LIPC: variants seen among roughly 807,000 people sequenced by gnomAD.
LIPC encodes lipase C, hepatic type, also known as hepatic triacylglycerol lipase.
LIPC carries 44 observed loss-of-function variants against 50.7 expected under a neutral mutation model. The observed-to-expected ratio is 0.87, with a 90% CI of 0.68 to 1.11. The LOEUF (loss-of-function observed/expected upper bound fraction) is 1.11. LIPC is among the 50% of genes most tolerant of loss of function. The pLI is 0.00. For synonymous variants in LIPC, 271 were observed against 256.4 expected (o/e 1.06, Z -0.54); for missense variants, 697 against 648.2 (o/e 1.08, Z -0.82).
At chr15:58,534,831 T>A (rs1893062741) in intron 1 of LIPC, among the ~76,000 whole-genome samples, 1 of 152,228 alleles carries the variant, frequency 6.6e-6, no homozygotes, top group African/African-American at 2.4e-5. Flanking sequence ...TCTTTATTGT[T>A]TTACTGCCCT....
At chr15:58,448,317 G>C (rs1893774513) in intron 1 of LIPC, among the ~76,000 whole-genome samples, 1 of 152,226 alleles carries the variant, frequency 6.6e-6, no homozygotes, top group Non-Finnish European at 1.5e-5. Context: ...GCCAGGTGAA[G>C]GCAAGTGTTA....
chr15:58,467,850 T>A (rs1426320947), intron 1 of LIPC, among the ~76,000 whole-genome samples: 1 of 152,210 alleles, frequency 6.6e-6, no homozygotes, highest in African/African-American at 2.4e-5. Context: ...TGGCAACTCT[T>A]GGTGTTCACA....
At chr15:58,516,237 C>CTTTTTTTTTTTTTTTTTTTTTTTTTT (rs11351202) in intron 1 of LIPC, among the ~76,000 whole-genome samples, 1 of 45,136 alleles carries the variant, frequency 2.2e-5, no homozygotes, top group African/African-American at 8.2e-5. Flanking sequence ...CCTCTAGCTT[C>CTTTTTTTTTTTTTTTTTTTTTTTTTT]TTTTTTTTTT....
intron 7 of LIPC, 140 bp downstream of exon 7, chr15:58,561,121 A>G (rs1204422149): frequency 4.3e-6 from 3 of 698,056 alleles, no homozygotes; most frequent in Non-Finnish European, 8.0e-6. Flanking sequence ...TCTGAGACAC[A>G]TGTCAATCAA....
intron 1 of LIPC, among the ~76,000 whole-genome samples, chr15:58,451,098 C>A (rs759438254): frequency 6.6e-5 from 10 of 152,246 alleles, no homozygotes; most frequent in Non-Finnish European, 1.3e-4. Flanking sequence ...GTGGACTGGG[C>A]AAGCAATCGG....
At chr15:58,441,925 G>A (rs1185034849) in intron 1 of LIPC, among the ~76,000 whole-genome samples, 2 of 152,188 alleles carry the variant, frequency 1.3e-5, no homozygotes, top group African/African-American at 4.8e-5. Flanking sequence ...TGGAGGGTCT[G>A]TGCTGCACAT....
chr15:58,545,993 G>C lies in LIPC; in HGVS notation c.808+18G>C, dbSNP rs749774701. On this transcript the variant is annotated intron_variant, in intron 5 of 8. Coordinates refer to ENST00000299022, the MANE Select transcript of LIPC (RefSeq NM_000236.3). ...CTTCAATGGTGAGAATGAAGTCATGGGCCGGGAGCACCGGCCTACATTTCA... is the reference window on the plus strand; with the variant it reads ...CTTCAATGGTGAGAATGAAGTCATGCGCCGGGAGCACCGGCCTACATTTCA... 38 of 1,582,704 alleles carry C rather than the reference G, an allele frequency of 2.4e-5. No homozygotes were observed. The African/African-American group carries it at 3.6e-4, about 15-fold the overall frequency.
intron 1 of LIPC, among the ~76,000 whole-genome samples, chr15:58,472,694 TA>T (rs1377494071): frequency 1.3e-5 from 2 of 152,022 alleles, no homozygotes; most frequent in Non-Finnish European, 2.9e-5. Context: ...AATTTAAAAT[TA>T]TAATTAAATC....
chr15:58,524,913 G>GT (rs1220211285), intron 1 of LIPC, among the ~76,000 whole-genome samples: 2 of 152,016 alleles, frequency 1.3e-5, no homozygotes, highest in African/African-American at 4.8e-5. Context: ...TCATACAGAA[G>GT]TTTTTTGTTT....
chr15:58,507,355 G>A (rs1892185482), intron 1 of LIPC, among the ~76,000 whole-genome samples: 1 of 151,966 alleles, frequency 6.6e-6, no homozygotes, highest in African/African-American at 2.4e-5. Context: ...AAGGAAGGAA[G>A]GAAGCAAAGA....
Position 58,550,725 on chromosome 15 carries a change from A to G in LIPC, c.1051+2153A>G, listed in dbSNP as rs17190671. ...ATCTAGTGAGGAGGAGGTTAAGGGC[A>G]GGACTGACTGAAACTGGTCAGGAAC... On this transcript the variant is annotated intron_variant, in intron 6 of 8. Coordinates refer to ENST00000299022, the MANE Select transcript of LIPC (RefSeq NM_000236.3). Among the ~76,000 whole-genome samples the G allele has an allele frequency of 9.3e-3, 1,416 of 151,830 alleles. 14 individuals are homozygous for G. Among genetic ancestry groups the G allele is most frequent in the Non-Finnish European group, 0.014 (922 of 67,950 alleles).
At chr15:58,502,041 G>A (rs1892001722) in intron 1 of LIPC, among the ~76,000 whole-genome samples, 1 of 152,156 alleles carries the variant, frequency 6.6e-6, no homozygotes, top group Non-Finnish European at 1.5e-5. Context: ...TGAGGCTGCA[G>A]CCAAAGATGC....
chr15:58,568,395 T>A (rs1449183671), intron 8 of LIPC, among the ~76,000 whole-genome samples: 2 of 152,210 alleles, frequency 1.3e-5, no homozygotes, highest in Admixed American at 1.3e-4. Context: ...GCAAATGTGG[T>A]CAAGGAAACA....
intron 1 of LIPC, among the ~76,000 whole-genome samples, chr15:58,514,185 T>G (rs940368449): frequency 6.6e-6 from 1 of 152,196 alleles, no homozygotes; most frequent in Non-Finnish European, 1.5e-5. Flanking sequence ...TTCCAGCTCC[T>G]CCACTTTCTA....
intron 1 of LIPC, among the ~76,000 whole-genome samples, chr15:58,442,564 T>C (rs1341935347): frequency 6.6e-6 from 1 of 152,230 alleles, no homozygotes; most frequent in Admixed American, 6.5e-5. Context: ...TGAACTAAGA[T>C]GTACAGAACA....
chr15:58,516,237 CTTTTTTT>C (rs11351202), intron 1 of LIPC, among the ~76,000 whole-genome samples: 4 of 45,136 alleles, frequency 8.9e-5, no homozygotes, highest in Non-Finnish European at 1.7e-4. Flanking sequence ...CCTCTAGCTT[CTTTTTTT>C]TTTTTTTTTT....
chr15:58,488,985 T>C (rs1309629635), intron 1 of LIPC, among the ~76,000 whole-genome samples: 2 of 151,838 alleles, frequency 1.3e-5, no homozygotes, highest in Non-Finnish European at 2.9e-5. Context: ...TTAATAAAGC[T>C]GTCTGTGAGC....
chr15:58,513,694 G>A (rs1595910996), intron 1 of LIPC, among the ~76,000 whole-genome samples: 1 of 152,232 alleles, frequency 6.6e-6, no homozygotes, highest in Non-Finnish European at 1.5e-5. Flanking sequence ...AGGATAAGGT[G>A]TTGTATGCCA....
At chr15:58,500,244 G>A (rs970755816) in intron 1 of LIPC, among the ~76,000 whole-genome samples, 1 of 152,158 alleles carries the variant, frequency 6.6e-6, no homozygotes, top group East Asian at 1.9e-4. Context: ...CATCCCCTGA[G>A]GCTCAGTTTC....
Sources: allele counts gnomAD v4.1 joint callset (sites outside exome capture counted in the v4.1 genomes callset), GRCh38; gene constraint gnomAD v4.1.1; transcripts MANE v1.5; gene names NCBI Gene and HGNC (gene_info 2026-07-23, HGNC 2026-07-21).